B3GALT1: variants seen among roughly 807,000 people sequenced by gnomAD.
B3GALT1 encodes the protein UDP-Gal:betaGlcNAc beta 1,3-galactosyltransferase, polypeptide 1.
Under a neutral mutation model 23.2 loss-of-function variants are expected in B3GALT1, and 10 were observed. That is an observed-to-expected ratio of 0.43 (90% confidence interval 0.27 to 0.73). The LOEUF is 0.73. B3GALT1 is among the 30% of genes least tolerant of loss of function. The pLI is 0.21. For missense variants in B3GALT1, 299 were observed against 405.4 expected (o/e 0.74, Z 2.25); for synonymous variants, 156 against 141.5 (o/e 1.10, Z -0.73).
chr2:167,513,879 T>C (rs1473664682), intron 2 of B3GALT1, among the ~76,000 whole-genome samples: 1 of 152,092 alleles, frequency 6.6e-6, no homozygotes, highest in Non-Finnish European at 1.5e-5. Context: ...CCCTATTACA[T>C]GTAGTTTATT....
chr2:167,615,906 G>A (rs774108283), intron 2 of B3GALT1, among the ~76,000 whole-genome samples: 2 of 151,994 alleles, frequency 1.3e-5, no homozygotes, highest in African/African-American at 4.8e-5. Context: ...AAGTTAGACA[G>A]TTCTAAGTGG....
chr2:167,750,728 G>A (rs1687721376), intron 3 of B3GALT1, among the ~76,000 whole-genome samples: 1 of 126,644 alleles, frequency 7.9e-6, no homozygotes, highest in Admixed American at 8.6e-5. Flanking sequence ...TTAAAGGACT[G>A]TTGAGCAAAA....
intron 3 of B3GALT1, among the ~76,000 whole-genome samples, chr2:167,756,290 G>A (rs1238260531): frequency 6.6e-6 from 1 of 152,092 alleles, no homozygotes; most frequent in Non-Finnish European, 1.5e-5. Context: ...AAGGCAATGA[G>A]ACCACCCATA....
chr2:167,675,856 A>T (rs79206210), intron 3 of B3GALT1, among the ~76,000 whole-genome samples: 3,938 of 151,590 alleles, frequency 0.026, 178 homozygotes, highest in African/African-American at 0.09. Flanking sequence ...TGCAGGATCG[A>T]GGAATATTCT....
At chr2:167,434,433 C>A (rs1698747334) in intron 1 of B3GALT1, among the ~76,000 whole-genome samples, 1 of 151,442 alleles carries the variant, frequency 6.6e-6, no homozygotes, top group African/African-American at 2.4e-5. Flanking sequence ...TGCCCACTCT[C>A]CCACCCCCCA....
chr2:167,323,915 T>C (rs943529468), intron 1 of B3GALT1, among the ~76,000 whole-genome samples: 2 of 152,088 alleles, frequency 1.3e-5, no homozygotes, highest in Non-Finnish European at 2.9e-5. Context: ...TCCAAAGTTA[T>C]GCTTTTTGAG....
At position 167,869,483 on chromosome 2, in the gene B3GALT1, C is replaced by A; in HGVS notation, c.444C>A (p.Ser148=). The change falls in exon 5 of 5, where the codon TCC becomes TCA. Residue 148 remains serine, a synonymous_variant. Transcript: ENST00000392690. This position sits in a 1 kb window ranked among gnomAD's most constrained non-coding sequence, Gnocchi z 6.4. ...HDIIVEDFID[S]YHNLTLKTLM... ...TCATCGTGGAGGACTTTATTGACTC[C>A]TACCATAACCTTACCCTCAAAACAT... The A allele has an allele frequency of 6.2e-6, 10 of 1,613,996 alleles. No individual in the cohort carries two copies. Among genetic ancestry groups the A allele is most frequent in the Non-Finnish European group, 8.5e-6 (10 of 1,180,004 alleles).
intron 2 of B3GALT1, among the ~76,000 whole-genome samples, chr2:167,524,013 C>T (rs1392789612): frequency 6.6e-6 from 1 of 151,930 alleles, no homozygotes; most frequent in Non-Finnish European, 1.5e-5. Flanking sequence ...GTAGAATTTT[C>T]TTGATATAGG....
chr2:167,735,682 G>A (rs989095615), intron 3 of B3GALT1, among the ~76,000 whole-genome samples: 5 of 152,148 alleles, frequency 3.3e-5, no homozygotes, highest in African/African-American at 7.2e-5. Context: ...GGAAGGAAAT[G>A]AAATAATGCA....
At chr2:167,519,732 C>T (rs779065952) in intron 2 of B3GALT1, among the ~76,000 whole-genome samples, 13 of 152,098 alleles carry the variant, frequency 8.5e-5, no homozygotes, top group African/African-American at 2.4e-4. Flanking sequence ...TGCCAATACA[C>T]GTAATCGTAT....
intron 2 of B3GALT1, among the ~76,000 whole-genome samples, chr2:167,521,060 A>G (rs917255444): frequency 2.6e-5 from 4 of 152,120 alleles, no homozygotes; most frequent in African/African-American, 9.7e-5. Flanking sequence ...CCTTCTTGAA[A>G]TAAGTTATCT....
At chr2:167,497,161 A>C (rs578176164) in intron 2 of B3GALT1, among the ~76,000 whole-genome samples, 1 of 152,244 alleles carries the variant, frequency 6.6e-6, no homozygotes, top group Non-Finnish European at 1.5e-5. Context: ...TATCTAATAA[A>C]GAGAATTAAG....
At chr2:167,773,206 T>C (rs562811417) in intron 3 of B3GALT1, among the ~76,000 whole-genome samples, 1 of 152,290 alleles carries the variant, frequency 6.6e-6, no homozygotes, top group South Asian at 2.1e-4. Context: ...AGAATGAATT[T>C]TAGAACGAGA....
chr2:167,434,712 C>CT (rs1356098873), intron 1 of B3GALT1, among the ~76,000 whole-genome samples: 1 of 121,574 alleles, frequency 8.2e-6, no homozygotes, highest in Admixed American at 8.2e-5. Context: ...TATGAATGAC[C>CT]CCCCCCCCTT....
intron 2 of B3GALT1, among the ~76,000 whole-genome samples, chr2:167,570,391 C>G (rs1336944010): frequency 6.6e-6 from 1 of 151,740 alleles, no homozygotes; most frequent in African/African-American, 2.4e-5. Flanking sequence ...ATTGTGTTTT[C>G]AAGGAATGGG....
chr2:167,488,374 G>T (rs1192607372), intron 1 of B3GALT1, among the ~76,000 whole-genome samples: 2 of 152,308 alleles, frequency 1.3e-5, no homozygotes, highest in South Asian at 2.1e-4. Flanking sequence ...ATGTCTGTGA[G>T]AATAAGGGCT....
intron 1 of B3GALT1, among the ~76,000 whole-genome samples, chr2:167,343,092 G>C (rs1311115082): frequency 3.9e-5 from 6 of 152,092 alleles, no homozygotes; most frequent in African/African-American, 1.4e-4. Context: ...GTCAGAAGTA[G>C]CTTTGTATTT....
chr2:167,371,256 T>C (rs1352259197), intron 1 of B3GALT1, among the ~76,000 whole-genome samples: 1 of 152,108 alleles, frequency 6.6e-6, no homozygotes, highest in Admixed American at 6.5e-5. Context: ...AAAATATTTC[T>C]CAAATGTTGA....
intron 2 of B3GALT1, among the ~76,000 whole-genome samples, chr2:167,603,903 T>C (rs1246922718): frequency 1.3e-5 from 2 of 151,976 alleles, no homozygotes; most frequent in Non-Finnish European, 2.9e-5. Context: ...CTTTTTTTTT[T>C]TCAAATCACA....
Sources: allele counts gnomAD v4.1 joint callset (sites outside exome capture counted in the v4.1 genomes callset), GRCh38; gene constraint gnomAD v4.1.1; non-coding constraint Gnocchi (gnomAD v3.1); transcripts MANE v1.5; gene names NCBI Gene and HGNC (gene_info 2026-07-23, HGNC 2026-07-21).